Variants in ASCC3 observed in about 807,000 individuals in gnomAD.
The protein encoded by ASCC3 is ASC-1 complex subunit P200.
In ASCC3, 158 loss-of-function variants were observed where a neutral mutation model predicts 256.3. The observed-to-expected ratio is 0.62, with a 90% CI of 0.54 to 0.70. The LOEUF (loss-of-function observed/expected upper bound fraction) is 0.70. Among genes scored for constraint, ASCC3 ranks in the 30% least tolerant of loss-of-function variants. The pLI is 0.00. For synonymous variants in ASCC3, 948 were observed against 883.4 expected, an observed-to-expected ratio of 1.07 and a Z score of -1.30; for missense variants, 2,259 against 2,626.0, an observed-to-expected ratio of 0.86 and a Z score of 3.05.
intron 4 of ASCC3, among the ~76,000 whole-genome samples, chr6:100,820,531 C>T (rs540007333): frequency 6.6e-6 from 1 of 151,998 alleles, no homozygotes; most frequent in East Asian, 1.9e-4. Context: ...TGATAAAACT[C>T]TCAGAAGAAA....
chr6:100,528,100 C>G lies in ASCC3; in HGVS notation c.5776-9958G>C, dbSNP rs577885222. Among the ~76,000 whole-genome samples, 193 of 152,170 alleles carry G rather than the reference C, an allele frequency of 1.3e-3. 1 individual carries two copies. The highest frequency in any genetic ancestry group is 8.7e-4 in the Non-Finnish European group (59 of 67,986). The stretch of plus-strand genomic sequence containing the variant: ...GTGATCCTCCTGCCTCAGCTCCCCC[C>G]TGTTGGGATCACTGGCATGAGATAC... On this transcript the variant is annotated intron_variant, in intron 37 of 41. Coordinates refer to ENST00000369162, the MANE Select transcript of ASCC3 (RefSeq NM_006828.4).
intron 12 of ASCC3, among the ~76,000 whole-genome samples, chr6:100,716,394 C>G (rs987079002): frequency 2.6e-5 from 4 of 151,758 alleles, no homozygotes; most frequent in East Asian, 1.9e-4. Flanking sequence ...AGGCATGTGA[C>G]CCAGCCTATT....
intron 34 of ASCC3, among the ~76,000 whole-genome samples, chr6:100,592,553 T>C (rs1772058745): frequency 1.3e-5 from 2 of 152,094 alleles, no homozygotes; most frequent in Non-Finnish European, 2.9e-5. Flanking sequence ...TTTTTTAGGT[T>C]ACATAAAATT....
intron 37 of ASCC3, among the ~76,000 whole-genome samples, chr6:100,525,569 T>C (rs955440122): frequency 2.6e-5 from 4 of 151,958 alleles, no homozygotes; most frequent in Non-Finnish European, 4.4e-5. Context: ...ACCCTCAACA[T>C]AGGTACAAGT....
intron 4 of ASCC3, among the ~76,000 whole-genome samples, chr6:100,833,886 T>C (rs368825188): frequency 1.5e-4 from 23 of 152,210 alleles, no homozygotes; most frequent in African/African-American, 5.3e-4. Flanking sequence ...GAGACCAGCA[T>C]GGCCAACATG....
At chr6:100,601,196 A>G (rs1772588361) in intron 34 of ASCC3, among the ~76,000 whole-genome samples, 3 of 152,090 alleles carry the variant, frequency 2.0e-5, no homozygotes, top group Admixed American at 2.0e-4. Context: ...AGGCTTGAAT[A>G]TCGTTCTACT....
Position 100,646,647 on chromosome 6 carries a change from T to C in ASCC3, c.3601A>G (p.Ser1201Gly), listed in dbSNP as rs746323165. Reference sequence around the variant, plus strand: ...TTCCAAGTGAAATCAGCATAGATGCTGAGTGTCACTCGGAGGACAGTCCTT... The same window carrying C: ...TTCCAAGTGAAATCAGCATAGATGCCGAGTGTCACTCGGAGGACAGTCCTT... ...ITRTVLRVTL[S>G]IYADFTWNDQ... is the part of the protein sequence containing the mutation. The change falls in exon 22 of 42, where the codon AGC (serine) becomes GGC (glycine). Residue 1201 changes from serine (S) to glycine (G), a missense_variant. By Grantham distance (56) the Ser-to-Gly change is moderately conservative (BLOSUM62 0). Transcript: ENST00000369162. The C allele has an allele frequency of 3.7e-6, 6 of 1,614,126 alleles. No homozygotes were observed. In the South Asian group the frequency reaches 6.6e-5, roughly 18 times the overall value.
chr6:100,544,298 AGAAAG>A (rs1312772853), intron 36 of ASCC3, among the ~76,000 whole-genome samples: 1 of 152,080 alleles, frequency 6.6e-6, no homozygotes, highest in Non-Finnish European at 1.5e-5. Flanking sequence ...AATAAGCAAA[AGAAAG>A]GAAAGGATGA....
At chr6:100,622,603 T>C (rs755677604) in intron 30 of ASCC3, among the ~76,000 whole-genome samples, 3 of 152,040 alleles carry the variant, frequency 2.0e-5, no homozygotes, top group Non-Finnish European at 4.4e-5. Flanking sequence ...CCTGTTTATA[T>C]ACCCCAGAAC....
chr6:100,876,512 G>T (rs1401186349), intron 1 of ASCC3, among the ~76,000 whole-genome samples: 1 of 152,126 alleles, frequency 6.6e-6, no homozygotes. Flanking sequence ...AATGATAAGG[G>T]TTATTAAGTG....
chr6:100,521,039 A>G (rs1774276979), intron 37 of ASCC3, among the ~76,000 whole-genome samples: 1 of 152,192 alleles, frequency 6.6e-6, no homozygotes, highest in Non-Finnish European at 1.5e-5. Flanking sequence ...CACTCAAGAA[A>G]TATTTATTAA....
chr6:100,800,151 A>G, intron 6 of ASCC3, 149 bp downstream of exon 6: 1 of 758,740 alleles, frequency 1.3e-6, no homozygotes, highest in Non-Finnish European at 2.2e-6. Flanking sequence ...ATCCCAGAAA[A>G]TTAGGTATTC....
chr6:100,592,481 T>C (rs575424630), intron 34 of ASCC3, among the ~76,000 whole-genome samples: 42 of 152,182 alleles, frequency 2.8e-4, no homozygotes, highest in Middle Eastern at 3.4e-3. Context: ...TAAGATATTG[T>C]TACATCTTAA....
At chr6:100,517,680 AATG>A (rs1774101232) in intron 38 of ASCC3, among the ~76,000 whole-genome samples, 1 of 152,178 alleles carries the variant, frequency 6.6e-6, no homozygotes, top group African/African-American at 2.4e-5. Flanking sequence ...AAAGCATTTT[AATG>A]ATATCTTCTT....
rs767544461 is a variant in ASCC3, at chr6:100,848,576, A to G, written c.373T>C (p.Ser125Pro). The stretch of plus-strand genomic sequence containing the variant: ...GCATTACAAGCTGCAGTGGCAGATG[A>G]TGAAGGAAAGGGGCCAAACATCTGT... ...IKQMFGPFPS[S>P]SATAACNATN... The change falls in exon 4 of 42, where the codon TCA (serine) becomes CCA (proline). Residue 125 changes from serine to proline, a missense_variant. By Grantham distance (74) the Ser-to-Pro change is moderately conservative. Transcript: ENST00000369162. The G allele has an allele frequency of 1.9e-6, 3 of 1,614,038 alleles. No homozygotes were observed. In the African/African-American group the frequency reaches 4.0e-5, roughly 22 times the overall value.
intron 3 of ASCC3, among the ~76,000 whole-genome samples, chr6:100,850,666 T>G (rs1177190119): frequency 6.6e-6 from 1 of 152,230 alleles, no homozygotes; most frequent in African/African-American, 2.4e-5. Context: ...ACAATGTATA[T>G]TTCCAATTTG....
At chr6:100,693,784 T>C (rs1020295677) in intron 13 of ASCC3, among the ~76,000 whole-genome samples, 1 of 152,204 alleles carries the variant, frequency 6.6e-6, no homozygotes, top group African/African-American at 2.4e-5. Flanking sequence ...AAACTAATGC[T>C]GTAAGGAAGC....
At position 100,723,860 on chromosome 6, in the gene ASCC3, T is replaced by TTATATA. The variant is rs58924032; in HGVS notation, c.1902+1673_1902+1678dup. Among the ~76,000 whole-genome samples the TTATATA allele has an allele frequency of 7.5e-3, 824 of 110,106 alleles. 2 individuals are homozygous for TTATATA. Among genetic ancestry groups the TTATATA allele is most frequent in the African/African-American group, 0.01 (316 of 30,512 alleles). The allele number at this position is 110,106 out of a possible 152,430, so 72.2% of individuals were successfully genotyped here. A position where few individuals can be genotyped will look rare whatever the true frequency, so the allele number is the denominator to read the frequency against. ...GATATGGCCAGAAGTTATTAGGGAATTATATATATATATATATATATATAT... is the reference window on the plus strand; with the variant it reads ...GATATGGCCAGAAGTTATTAGGGAATTATATATATATATATATATATATATATATAT... On this transcript the variant is annotated intron_variant, in intron 11 of 41. Transcript: ENST00000369162.
chr6:100,518,242 A>C (rs1383036619), intron 37 of ASCC3, 100 bp from the exon 38 acceptor site: 3 of 1,292,438 alleles, frequency 2.3e-6, no homozygotes, highest in Non-Finnish European at 3.3e-6. Flanking sequence ...AAAGAAACCA[A>C]GCATTGTATC....
Sources: allele counts gnomAD v4.1 joint callset (sites outside exome capture counted in the v4.1 genomes callset), GRCh38; gene constraint gnomAD v4.1.1; transcripts MANE v1.5; gene names NCBI Gene and HGNC (gene_info 2026-07-23, HGNC 2026-07-21).